INSR: variants seen among roughly 807,000 people sequenced by gnomAD.
INSR encodes the protein IR.
A neutral mutation model predicts 142.6 loss-of-function variants in INSR; 67 were observed. That is an observed-to-expected ratio of 0.47 (90% CI 0.39 to 0.58). The LOEUF (loss-of-function observed/expected upper bound fraction) is 0.58. Ranked by LOEUF, INSR falls within the 20% of genes least tolerant of loss-of-function variation. The pLI, the probability that INSR is intolerant of heterozygous loss-of-function variation, is 0.00. For missense variants in INSR, 1,248 were observed against 1,833.2 expected, an observed-to-expected ratio of 0.68 and a Z score of 5.83; for synonymous variants, 756 against 743.1, an observed-to-expected ratio of 1.02 and a Z score of -0.28.
chr19:7,194,678 ATTTT>A (rs35692691), intron 2 of INSR, among the ~76,000 whole-genome samples: 24 of 111,296 alleles, frequency 2.2e-4, no homozygotes, highest in Admixed American at 3.7e-4. Context: ...ACACCAACTG[ATTTT>A]TTTTTTTTTT....
chr19:7,288,991 A>C (rs1968418617), intron 1 of INSR, among the ~76,000 whole-genome samples: 1 of 151,076 alleles, frequency 6.6e-6, no homozygotes, highest in Non-Finnish European at 1.5e-5. Context: ...AGAAGATTAA[A>C]GGAAACACTG....
intron 2 of INSR, among the ~76,000 whole-genome samples, chr19:7,227,276 C>CT (rs67054555): frequency 0.15 from 22,619 of 148,422 alleles, 2,250 homozygotes; most frequent in Non-Finnish European, 0.23. Context: ...CATTTGCATT[C>CT]TTTTTTTTTT....
intron 2 of INSR, among the ~76,000 whole-genome samples, chr19:7,222,173 T>C (rs940762356): frequency 6.8e-6 from 1 of 147,434 alleles, no homozygotes; most frequent in South Asian, 2.2e-4. Flanking sequence ...GCTCAGCTGA[T>C]AGCATTAACG....
At position 7,153,283 on chromosome 19, in the gene INSR, ACC is replaced by A. The variant is rs1973471928; in HGVS notation, c.2030-358_2030-357del. ...ACTACATGCACACCTCACACACCACACCACACACCGCACACACACCACACAAA... is the reference window on the plus strand; with the variant it reads ...ACTACATGCACACCTCACACACCACAACACACCGCACACACACCACACAAA... On this transcript the variant is annotated intron_variant, in intron 9 of 21. Transcript: ENST00000302850. Among the ~76,000 whole-genome samples, 2 of 141,550 alleles carry A rather than the reference ACC, an allele frequency of 1.4e-5. 1 individual carries two copies. Among genetic ancestry groups the A allele is most frequent in the Non-Finnish European group, 3.0e-5 (2 of 65,982 alleles). 92.9% of individuals were successfully genotyped at this position (141,550 alleles called of 152,430 possible).
chr19:7,158,058 T>C (rs1239394241), intron 9 of INSR, among the ~76,000 whole-genome samples: 1 of 119,698 alleles, frequency 8.4e-6, no homozygotes, highest in Non-Finnish European at 1.8e-5. Flanking sequence ...TTATTATTAT[T>C]ATTATTATTA....
In INSR at chr19:7,225,657, C is replaced by T. The variant is rs1350557650; in HGVS notation, c.653-41020G>A. On this transcript the variant is annotated intron_variant, in intron 2 of 21. Transcript: ENST00000302850. The surrounding 1 kb of genome is among the most constrained non-coding windows in gnomAD (Gnocchi z 4.7). ...TTGTCGGTAGCATGGCAGTGTCAAACCACAGAGCCACGAGGCTGATGATGG... is the reference window on the plus strand; with the variant it reads ...TTGTCGGTAGCATGGCAGTGTCAAATCACAGAGCCACGAGGCTGATGATGG... Among the ~76,000 whole-genome samples, 1 of 152,062 alleles carries T rather than the reference C, an allele frequency of 6.6e-6. No individual in the cohort carries two copies. Among genetic ancestry groups the T allele is most frequent in the Non-Finnish European group, 1.5e-5 (1 of 68,030 alleles).
intron 13 of INSR, among the ~76,000 whole-genome samples, chr19:7,133,906 C>A (rs938975869): frequency 6.6e-6 from 1 of 151,266 alleles, no homozygotes; most frequent in Non-Finnish European, 1.5e-5. Flanking sequence ...TGACTCCTAG[C>A]TCACAAATCA....
At chr19:7,290,326 C>T (rs1014082109) in intron 1 of INSR, among the ~76,000 whole-genome samples, 3 of 152,020 alleles carry the variant, frequency 2.0e-5, no homozygotes, top group African/African-American at 4.8e-5. Context: ...GGATGGCTTG[C>T]GTCCAGGAGG....
intron 13 of INSR, among the ~76,000 whole-genome samples, chr19:7,139,849 A>G (rs143603506): frequency 0.012 from 1,635 of 135,492 alleles, 13 homozygotes; most frequent in Non-Finnish European, 0.021. Context: ...TTTGAGACAG[A>G]GTCTTGTTCT....
chr19:7,241,370 T>C (rs1201749647), intron 2 of INSR, among the ~76,000 whole-genome samples: 4 of 152,016 alleles, frequency 2.6e-5, no homozygotes. Flanking sequence ...TTGGTAGAGA[T>C]GGGGTCTTGC....
intron 2 of INSR, among the ~76,000 whole-genome samples, chr19:7,241,421 C>T (rs1294416288): frequency 2.6e-5 from 4 of 151,872 alleles, no homozygotes; most frequent in Admixed American, 1.3e-4. Flanking sequence ...GTCAGGAGTT[C>T]GAGACCAGCC....
intron 2 of INSR, among the ~76,000 whole-genome samples, chr19:7,215,323 G>C (rs929220744): frequency 6.6e-6 from 1 of 151,986 alleles, no homozygotes; most frequent in Non-Finnish European, 1.5e-5. Flanking sequence ...TATGCCCCTT[G>C]TGTCACTGTC....
At chr19:7,241,546 C>A (rs7246346) in intron 2 of INSR, among the ~76,000 whole-genome samples, 1 of 151,410 alleles carries the variant, frequency 6.6e-6, no homozygotes, top group Admixed American at 6.6e-5. Context: ...CACTTGAACC[C>A]GGGAGGCAGA....
intron 1 of INSR, among the ~76,000 whole-genome samples, chr19:7,289,405 CTTT>C (rs777933899): frequency 4.6e-5 from 6 of 130,210 alleles, no homozygotes; most frequent in Admixed American, 1.5e-4. Flanking sequence ...TTTTTCTTTT[CTTT>C]TTTTTTTTTT....
At chr19:7,189,236 C>T (rs936521066) in intron 2 of INSR, among the ~76,000 whole-genome samples, 5 of 152,172 alleles carry the variant, frequency 3.3e-5, no homozygotes, top group African/African-American at 1.2e-4. Context: ...AGGGTCAGCC[C>T]TTTCATTCAA....
chr19:7,198,586 G>C (rs1051800708), intron 2 of INSR, among the ~76,000 whole-genome samples: 33 of 152,198 alleles, frequency 2.2e-4, no homozygotes, highest in Non-Finnish European at 8.8e-5. Flanking sequence ...CTCGGGAGGG[G>C]TCCAGAAAGG....
At chr19:7,163,835 T>C (rs979755943) in intron 8 of INSR, among the ~76,000 whole-genome samples, 1 of 148,062 alleles carries the variant, frequency 6.8e-6, no homozygotes, top group African/African-American at 2.5e-5. Context: ...CCCAGCACTT[T>C]AGAAGGCCGA....
chr19:7,209,339 C>G (rs938097507), intron 2 of INSR, among the ~76,000 whole-genome samples: 47 of 152,292 alleles, frequency 3.1e-4, no homozygotes, highest in African/African-American at 1.0e-3. Flanking sequence ...CTCCAGGCAG[C>G]CTGCAGAAGC....
In INSR at chr19:7,240,936, G is replaced by A. The variant is rs78369501; in HGVS notation, c.652+26409C>T. ...ACGCACATATTCTAAAATCCCAAGT[G>A]GGAAACACTTCTGGTCCCAAGCATT... On this transcript the variant is annotated intron_variant, in intron 2 of 21. Coordinates refer to ENST00000302850, the MANE Select transcript of INSR (RefSeq NM_000208.4). 9.3e-4 allele frequency among the ~76,000 whole-genome samples: 142 copies of A among 152,230 alleles called. 2 individuals are homozygous for A. In the East Asian group the frequency reaches 0.026, roughly 28 times the overall value.
Sources: allele counts gnomAD v4.1 joint callset (sites outside exome capture counted in the v4.1 genomes callset), GRCh38; gene constraint gnomAD v4.1.1; non-coding constraint Gnocchi (gnomAD v3.1); transcripts MANE v1.5; gene names NCBI Gene and HGNC (gene_info 2026-07-23, HGNC 2026-07-21).